Variants in DMD observed in about 807,000 individuals in gnomAD.
DMD encodes the protein dystrophin, also known as mutant dystrophin.
A neutral mutation model predicts 330.1 loss-of-function variants in DMD; 63 were observed. The ratio of observed to expected loss-of-function variants is 0.19; its 90% CI spans 0.16 to 0.24. DMD has a LOEUF of 0.24. Ranked by LOEUF, DMD falls within the 10% of genes least tolerant of loss-of-function variation. The probability of loss-of-function intolerance (pLI) is 1.00; values close to 1 mark genes in which losing one functional copy is unlikely to be tolerated. For synonymous variants in DMD, 1,223 were observed against 959.8 expected (o/e 1.27, Z -5.07); for missense variants, 3,344 against 2,684.1 (o/e 1.25, Z -5.43).
chrX:31,719,059 T>C (rs1480585229), intron 52 of DMD, among the ~76,000 whole-genome samples: 1 of 112,027 alleles, frequency 8.9e-6, no homozygotes, highest in Non-Finnish European at 1.9e-5. Flanking sequence ...CCAAAGAATC[T>C]CCAGGATAAA....
chrX:32,642,944 A>G (rs771332532), intron 11 of DMD, among the ~76,000 whole-genome samples: 38 of 111,362 alleles, frequency 3.4e-4, no homozygotes, highest in Non-Finnish European at 6.2e-4. Flanking sequence ...ATCACTGCAA[A>G]TAGAAGTTCT....
chrX:31,817,584 T>C (rs902184729), intron 50 of DMD, among the ~76,000 whole-genome samples: 5 of 111,290 alleles, frequency 4.5e-5, no homozygotes, highest in African/African-American at 1.6e-4. Context: ...CCTCTTTCCC[T>C]TAATTCTTTT....
chrX:33,196,297 G>A (rs185687654), intron 1 of DMD, among the ~76,000 whole-genome samples: 4 of 111,118 alleles, frequency 3.6e-5, no homozygotes, highest in Non-Finnish European at 7.5e-5. Context: ...TTCCTGGTGG[G>A]GAACAGCAGA....
At chrX:31,143,648 A>G (rs905800903) in intron 76 of DMD, among the ~76,000 whole-genome samples, 1 of 111,974 alleles carries the variant, frequency 8.9e-6, no homozygotes. Flanking sequence ...CCTGGTATTC[A>G]GTTCTACCAT....
chrX:31,482,873 G>A (rs67017222), intron 57 of DMD, among the ~76,000 whole-genome samples: 1 of 109,172 alleles, frequency 9.2e-6, no homozygotes, highest in Admixed American at 9.8e-5. Flanking sequence ...GTCCAGCATT[G>A]AGTTTTTCAG....
At chrX:31,519,657 G>A (rs908463672) in intron 55 of DMD, among the ~76,000 whole-genome samples, 4 of 111,731 alleles carry the variant, frequency 3.6e-5, no homozygotes, top group Non-Finnish European at 5.6e-5. Flanking sequence ...TAAATAGCAG[G>A]ACAATTTCCA....
At chrX:32,537,433 A>G (rs1051273303) in intron 17 of DMD, among the ~76,000 whole-genome samples, 2 of 111,725 alleles carry the variant, frequency 1.8e-5, no homozygotes, top group African/African-American at 6.5e-5. Context: ...GCAGGAATAG[A>G]AGACAGGGAA....
chrX:32,830,837 A>G (rs1294237805), intron 4 of DMD, among the ~76,000 whole-genome samples: 2 of 111,185 alleles, frequency 1.8e-5, no homozygotes, highest in Non-Finnish European at 3.8e-5. Context: ...GACATAATGG[A>G]AACTTATTGT....
intron 55 of DMD, among the ~76,000 whole-genome samples, chrX:31,535,857 A>C (rs1159003610): frequency 1.8e-5 from 2 of 111,862 alleles, no homozygotes; most frequent in Non-Finnish European, 3.8e-5. Flanking sequence ...TCTGTTATAA[A>C]AGAATGATAT....
At chrX:31,833,345 G>A (rs1459531863) in intron 49 of DMD, among the ~76,000 whole-genome samples, 8 of 78,905 alleles carry the variant, frequency 1.0e-4, no homozygotes, top group African/African-American at 3.5e-4. Flanking sequence ...AGAGAGTGGA[G>A]AGGGAGGGAG....
At chrX:32,564,592 T>C (rs1460278607) in intron 16 of DMD, among the ~76,000 whole-genome samples, 1 of 112,474 alleles carries the variant, frequency 8.9e-6, no homozygotes, top group Non-Finnish European at 1.9e-5. Context: ...GGAGTTTTTA[T>C]TATGTAATGA....
intron 29 of DMD, among the ~76,000 whole-genome samples, chrX:32,419,514 T>C (rs771641864): frequency 8.9e-6 from 1 of 112,174 alleles, no homozygotes; most frequent in East Asian, 2.8e-4. Context: ...ATATAGGCGG[T>C]AAATAATTAC....
At position 32,717,179 on chromosome X, in the gene DMD, G is replaced by A. The variant is rs148083705; in HGVS notation, c.650-17886C>T. ...TGAATGTTAATAACCAAGACAAAGG[G>A]GAAAATGCCCAAAGGCATTTCAGAA... On this transcript the variant is annotated intron_variant, in intron 7 of 78. Transcript: ENST00000357033. Among the ~76,000 whole-genome samples, 298 of 111,258 alleles carry A rather than the reference G, an allele frequency of 2.7e-3. 4 individuals are homozygous for A. The highest frequency in any genetic ancestry group is 9.2e-3 in the African/African-American group (280 of 30,577).
At chrX:32,942,969 G>A (rs988745719) in intron 2 of DMD, among the ~76,000 whole-genome samples, 2 of 111,701 alleles carry the variant, frequency 1.8e-5, no homozygotes, top group Non-Finnish European at 3.8e-5. Context: ...AGGTCTTCAT[G>A]TAAAAGAAAA....
intron 19 of DMD, among the ~76,000 whole-genome samples, chrX:32,498,361 G>C (rs189464714): frequency 9.0e-6 from 1 of 111,182 alleles, no homozygotes; most frequent in Admixed American, 9.6e-5. Flanking sequence ...CTAAGATAGA[G>C]ATAAATCAGT....
intron 4 of DMD, among the ~76,000 whole-genome samples, chrX:32,833,496 C>T (rs1223999067): frequency 9.1e-6 from 1 of 109,560 alleles, no homozygotes; most frequent in Non-Finnish European, 1.9e-5. Flanking sequence ...GAGGGCATTG[C>T]CTGAGTAAAT....
At chrX:32,767,552 T>A (rs1443816123) in intron 7 of DMD, among the ~76,000 whole-genome samples, 1 of 111,544 alleles carries the variant, frequency 9.0e-6, no homozygotes, top group Admixed American at 9.5e-5. Flanking sequence ...CTCCTCTATT[T>A]TAGAGGCAGT....
chrX:32,487,318 A>G (rs1006746929), intron 20 of DMD, among the ~76,000 whole-genome samples: 7 of 111,777 alleles, frequency 6.3e-5, no homozygotes, highest in Non-Finnish European at 1.3e-4. Flanking sequence ...TGTTATTATC[A>G]TGGCTGCTTA....
intron 44 of DMD, among the ~76,000 whole-genome samples, chrX:32,170,446 C>T (rs1050723555): frequency 1.3e-4 from 14 of 107,786 alleles, no homozygotes; most frequent in East Asian, 8.7e-4. Context: ...TACTCCAACC[C>T]GGGCAACAGA....
Sources: gnomAD v4.1 joint callset for allele counts (sites outside exome capture counted in the v4.1 genomes callset) on GRCh38, gnomAD v4.1.1 for gene constraint, MANE v1.5 for transcripts, NCBI Gene and HGNC (gene_info 2026-07-23, HGNC 2026-07-21) for gene names.